MME: variants seen among roughly 807,000 people sequenced by gnomAD.
The protein encoded by MME is membrane metalloendopeptidase, also known as neprilysin.
MME carries 98 observed loss-of-function variants against 113.2 expected under a neutral mutation model. The ratio of observed to expected loss-of-function variants is 0.87; its 90% CI spans 0.74 to 1.02. MME has a LOEUF of 1.02. Ranked by LOEUF, MME falls within the 50% of genes least tolerant of loss-of-function variation. The pLI, the probability that MME is intolerant of heterozygous loss-of-function variation, is 0.00. For missense variants in MME, 836 were observed against 896.0 expected, an observed-to-expected ratio of 0.93 and a Z score of 0.86; for synonymous variants, 292 against 300.6, an observed-to-expected ratio of 0.97 and a Z score of 0.30.
At chr3:155,065,614 T>C (rs533843626) in intron 1 of MME, among the ~76,000 whole-genome samples, 3 of 152,296 alleles carry the variant, frequency 2.0e-5, no homozygotes, top group African/African-American at 7.2e-5. Context: ...TGCTAGTACA[T>C]AACAACAAAA....
chr3:155,032,467 C>G (rs1183210704), intron 1 of MME, among the ~76,000 whole-genome samples: 3 of 152,206 alleles, frequency 2.0e-5, no homozygotes, highest in Admixed American at 2.0e-4. Flanking sequence ...AGAAAATAAC[C>G]AATGAAACTC....
At chr3:155,048,042 A>G (rs531015912) in intron 1 of MME, among the ~76,000 whole-genome samples, 3 of 152,258 alleles carry the variant, frequency 2.0e-5, no homozygotes, top group Non-Finnish European at 4.4e-5. Flanking sequence ...AGGGGGCATT[A>G]TTCCTGAGTT....
intron 8 of MME, among the ~76,000 whole-genome samples, chr3:155,124,222 G>T (rs1264612880): frequency 1.3e-5 from 2 of 151,600 alleles, no homozygotes; most frequent in Admixed American, 6.6e-5. Context: ...AGCTCCTGAG[G>T]CTTCTGCATT....
intron 1 of MME, among the ~76,000 whole-genome samples, chr3:155,041,005 C>T (rs1248449693): frequency 6.6e-6 from 1 of 152,156 alleles, no homozygotes; most frequent in Non-Finnish European, 1.5e-5. Context: ...GTTATAAAGA[C>T]TCTCTCTATA....
At chr3:155,131,291 A>T (rs1467803066) in intron 8 of MME, among the ~76,000 whole-genome samples, 1 of 152,172 alleles carries the variant, frequency 6.6e-6, no homozygotes, top group Non-Finnish European at 1.5e-5. Context: ...ATAGGGAAAC[A>T]GTTTGTGTAC....
At chr3:155,052,634 G>C (rs1313087607) in intron 1 of MME, among the ~76,000 whole-genome samples, 1 of 152,202 alleles carries the variant, frequency 6.6e-6, no homozygotes, top group Admixed American at 6.5e-5. Flanking sequence ...GGGCAGGGGG[G>C]CCCTGGGTCC....
intron 1 of MME, among the ~76,000 whole-genome samples, chr3:155,062,784 G>A (rs988600463): frequency 1.3e-5 from 2 of 152,008 alleles, no homozygotes; most frequent in East Asian, 3.8e-4. Flanking sequence ...ACTGGGCGCA[G>A]TGGCTCACAC....
At position 155,030,153 on chromosome 3, in the gene MME, C is replaced by G. The variant is rs550004480; in HGVS notation, c.-11+5829C>G. ...ACAAAAAAGGGAATAGGTAAAGATTCAATCAAGATAAAATGGTTGAGAAAA... is the reference window on the plus strand; with the variant it reads ...ACAAAAAAGGGAATAGGTAAAGATTGAATCAAGATAAAATGGTTGAGAAAA... On this transcript the variant is annotated intron_variant, in intron 1 of 22. Transcript: ENST00000492661. Among the ~76,000 whole-genome samples, 4 of 152,160 alleles carry G rather than the reference C, an allele frequency of 2.6e-5. No individual in the cohort carries two copies. The South Asian group carries it at 8.3e-4, about 32-fold the overall frequency.
intron 1 of MME, among the ~76,000 whole-genome samples, chr3:155,046,839 T>C (rs1188061291): frequency 1.3e-5 from 2 of 152,126 alleles, no homozygotes; most frequent in African/African-American, 2.4e-5. Context: ...GTTGTAAAAA[T>C]AGAAAAAAGT....
chr3:155,145,091 A>G (rs1028003601), intron 14 of MME, among the ~76,000 whole-genome samples: 1 of 152,154 alleles, frequency 6.6e-6, no homozygotes, highest in Admixed American at 6.5e-5. Context: ...ATTAAATCAC[A>G]TGGAAGGACT....
chr3:155,172,422 G>A (rs1712074713), intron 21 of MME, 114 bp from the exon 22 acceptor site: 4 of 909,920 alleles, frequency 4.4e-6, no homozygotes, highest in East Asian at 2.4e-5. Context: ...AGAGCGAATG[G>A]TTGAGGAATG....
chr3:155,060,367 C>CAG (rs1328930990), intron 1 of MME, among the ~76,000 whole-genome samples: 2 of 152,126 alleles, frequency 1.3e-5, no homozygotes, highest in Admixed American at 1.3e-4. Flanking sequence ...TACCTTAGGA[C>CAG]AGGTAATTAA....
intron 3 of MME, among the ~76,000 whole-genome samples, chr3:155,091,346 C>T (rs947883140): frequency 5.9e-5 from 9 of 152,036 alleles, no homozygotes; most frequent in Admixed American, 1.3e-4. Context: ...TGTTTTTTAC[C>T]CTCCAGGGAA....
chr3:155,059,553 A>G (rs1450388141), intron 1 of MME, among the ~76,000 whole-genome samples: 1 of 152,176 alleles, frequency 6.6e-6, no homozygotes, highest in Non-Finnish European at 1.5e-5. Flanking sequence ...AACCTAGGTA[A>G]CTTGCATCGA....
At chr3:155,157,321 A>G (rs1722391063) in intron 16 of MME, among the ~76,000 whole-genome samples, 2 of 152,184 alleles carry the variant, frequency 1.3e-5, no homozygotes, top group African/African-American at 4.8e-5. Context: ...ATGGAAGAAC[A>G]GTGGTTCATC....
chr3:155,140,976 C>A (rs1413354561), intron 10 of MME, among the ~76,000 whole-genome samples: 1 of 152,166 alleles, frequency 6.6e-6, no homozygotes, highest in African/African-American at 2.4e-5. Flanking sequence ...AAAGCTCTCT[C>A]ATAGATTCCA....
chr3:155,133,062 A>AAATATATATATATAT (rs1553762419), intron 8 of MME, among the ~76,000 whole-genome samples: 2 of 75,082 alleles, frequency 2.7e-5, no homozygotes, highest in African/African-American at 6.6e-5. Flanking sequence ...AAAAAAAAAA[A>AAATATATATATATAT]ATATATATAT....
chr3:155,118,607 T>A lies in MME; in HGVS notation c.655-139T>A, dbSNP rs985534444. On this transcript the variant is annotated intron_variant, in intron 7 of 22. Coordinates refer to ENST00000360490, the MANE Select transcript of MME (RefSeq NM_007289.4). ...GTGTAGAAAGCATTTCCTAACTAGG[T>A]ATTTATTGAGTGTCTGATGGTCACC... 12 of 662,290 alleles carry A rather than the reference T, an allele frequency of 1.8e-5. No individual in the cohort carries two copies. In the East Asian group the frequency reaches 3.0e-4, roughly 17 times the overall value. 41.0% of individuals were successfully genotyped at this position (662,290 alleles called of 1,614,324 possible).
intron 12 of MME, among the ~76,000 whole-genome samples, chr3:155,142,710 C>A (rs562061326): frequency 6.6e-6 from 1 of 152,178 alleles, no homozygotes; most frequent in African/African-American, 2.4e-5. Context: ...CACAGATGGA[C>A]AATATTGATG....
Sources: allele counts gnomAD v4.1 joint callset (sites outside exome capture counted in the v4.1 genomes callset), GRCh38; gene constraint gnomAD v4.1.1; transcripts MANE v1.5; gene names NCBI Gene and HGNC (gene_info 2026-07-23, HGNC 2026-07-21).